ROBO2: variants seen among roughly 807,000 people sequenced by gnomAD.
The protein encoded by ROBO2 is roundabout homolog 2.
Under a neutral mutation model 160.8 loss-of-function variants are expected in ROBO2, and 53 were observed. The observed-to-expected ratio is 0.33, with a 90% CI of 0.26 to 0.41. The LOEUF is 0.41. ROBO2 is among the 10% of genes least tolerant of loss of function. The pLI is 1.00. For synonymous variants in ROBO2, 664 were observed against 611.7 expected (o/e 1.09, Z -1.26); for missense variants, 1,577 against 1,722.4 (o/e 0.92, Z 1.49).
chr3:76,830,260 G>A (rs1576904175), intron 2 of ROBO2, among the ~76,000 whole-genome samples: 2 of 152,056 alleles, frequency 1.3e-5, no homozygotes, highest in Admixed American at 6.6e-5. Context: ...ATTCGAACAG[G>A]CGTTTCTCCC....
intron 2 of ROBO2, among the ~76,000 whole-genome samples, chr3:76,183,048 C>A (rs1304249824): frequency 6.6e-6 from 1 of 152,048 alleles, no homozygotes. Context: ...AATTGCTTTG[C>A]TTGATGGAAT....
chr3:76,102,188 C>G (rs1420456721), intron 2 of ROBO2, among the ~76,000 whole-genome samples: 1 of 152,166 alleles, frequency 6.6e-6, no homozygotes, highest in African/African-American at 2.4e-5. Context: ...TGAGATGTGG[C>G]TAGTTTGAAT....
chr3:76,274,941 T>C (rs554584886), intron 2 of ROBO2, among the ~76,000 whole-genome samples: 1 of 152,104 alleles, frequency 6.6e-6, no homozygotes, highest in African/African-American at 2.4e-5. Flanking sequence ...TCAGTGAATA[T>C]AATATTTTAT....
At chr3:76,613,550 C>A (rs1222852745) in intron 2 of ROBO2, among the ~76,000 whole-genome samples, 1 of 151,776 alleles carries the variant, frequency 6.6e-6, no homozygotes, top group African/African-American at 2.4e-5. Context: ...ATTGTAAATA[C>A]CTGTTTTTGT....
intron 6 of ROBO2, 34 bp downstream of exon 6, chr3:77,522,936 C>T (rs1316462778): frequency 6.2e-7 from 1 of 1,606,678 alleles, no homozygotes; most frequent in Non-Finnish European, 8.5e-7. Context: ...ATAATTGAAC[C>T]AGGAGACTAA....
chr3:76,927,401 C>T (rs1256300697), intron 2 of ROBO2, among the ~76,000 whole-genome samples: 1 of 152,134 alleles, frequency 6.6e-6, no homozygotes, highest in Non-Finnish European at 1.5e-5. Context: ...AATAAAAGCT[C>T]TATAGTTTTC....
intron 2 of ROBO2, among the ~76,000 whole-genome samples, chr3:76,613,358 C>T (rs2088298183): frequency 6.6e-6 from 1 of 152,060 alleles, no homozygotes; most frequent in Non-Finnish European, 1.5e-5. Flanking sequence ...TTTTATTTCT[C>T]TCTCTCAAGG....
intron 2 of ROBO2, among the ~76,000 whole-genome samples, chr3:76,807,742 A>T (rs2064844395): frequency 6.6e-6 from 1 of 152,212 alleles, no homozygotes; most frequent in African/African-American, 2.4e-5. Flanking sequence ...CTTTAGAACA[A>T]TATAGTGAAA....
intron 2 of ROBO2, among the ~76,000 whole-genome samples, chr3:76,483,073 A>G (rs2079294434): frequency 6.6e-6 from 1 of 152,130 alleles, no homozygotes; most frequent in Non-Finnish European, 1.5e-5. Context: ...AGTTACTTTC[A>G]TGCTATATCT....
At chr3:76,877,008 A>G (rs567627973) in intron 2 of ROBO2, among the ~76,000 whole-genome samples, 46 of 107,634 alleles carry the variant, frequency 4.3e-4, no homozygotes, top group Non-Finnish European at 9.6e-4. Flanking sequence ...CTACATATGC[A>G]TATATATATT....
At chr3:77,454,867 T>C (rs1450881736) in intron 2 of ROBO2, among the ~76,000 whole-genome samples, 1 of 152,230 alleles carries the variant, frequency 6.6e-6, no homozygotes, top group Non-Finnish European at 1.5e-5. Context: ...ATATGAATTA[T>C]CATAGTTTGA....
At chr3:75,978,624 T>A (rs1009211657) in intron 2 of ROBO2, among the ~76,000 whole-genome samples, 1 of 151,604 alleles carries the variant, frequency 6.6e-6, no homozygotes, top group African/African-American at 2.4e-5. Flanking sequence ...AGCTTATTAA[T>A]TGATATCAGT....
chr3:76,391,216 C>T (rs945301383), intron 2 of ROBO2, among the ~76,000 whole-genome samples: 25 of 152,220 alleles, frequency 1.6e-4, no homozygotes, highest in Admixed American at 7.2e-4. Context: ...GGGCCGTATA[C>T]ATCTGGCCAT....
intron 2 of ROBO2, among the ~76,000 whole-genome samples, chr3:76,803,582 G>A (rs12489763): frequency 1 from 151,780 of 152,230 alleles, 75,666 homozygotes; most frequent in East Asian, 1. Flanking sequence ...ACACACAGAC[G>A]TACACACATA....
Position 77,201,933 on chromosome 3 carries a change from G to A in ROBO2, c.388+103593G>A, listed in dbSNP as rs79686339. Among the ~76,000 whole-genome samples the A allele has an allele frequency of 4.3e-3, 658 of 152,144 alleles. 5 individuals carry two copies. Among genetic ancestry groups the A allele is most frequent in the African/African-American group, 0.015 (612 of 41,500 alleles). On this transcript the variant is annotated intron_variant, in intron 2 of 25. Coordinates refer to ENST00000461745, the Ensembl canonical transcript of ROBO2. ...TTCAAGGACAAAACAAGTTATGGGTGGCCTAATGGGTTTTACTAACTTAAA... is the reference window on the plus strand; with the variant it reads ...TTCAAGGACAAAACAAGTTATGGGTAGCCTAATGGGTTTTACTAACTTAAA...
chr3:76,660,133 T>C (rs1279498672), intron 2 of ROBO2, among the ~76,000 whole-genome samples: 1 of 152,126 alleles, frequency 6.6e-6, no homozygotes, highest in Non-Finnish European at 1.5e-5. Context: ...CAGAGTAATT[T>C]TATGCTTGTG....
chr3:77,102,951 CA>C (rs1440158701), intron 2 of ROBO2, among the ~76,000 whole-genome samples: 2 of 150,262 alleles, frequency 1.3e-5, no homozygotes, highest in Non-Finnish European at 3.0e-5. Context: ...AGTTAGAAAA[CA>C]GTTGCAGAGT....
chr3:77,388,814 A>T (rs112513942), intron 2 of ROBO2, among the ~76,000 whole-genome samples: 4 of 152,246 alleles, frequency 2.6e-5, no homozygotes, highest in African/African-American at 4.8e-5. Flanking sequence ...TCTATAAAAA[A>T]TTTGTCTGAA....
chr3:77,527,456 A>T, intron 6 of ROBO2, 42 bp downstream of exon 7: 1 of 1,256,498 alleles, frequency 8.0e-7, no homozygotes, highest in Non-Finnish European at 1.0e-6. Context: ...GGCTTTGCAC[A>T]GTGCTTCATA....
Sources: allele counts gnomAD v4.1 joint callset (sites outside exome capture counted in the v4.1 genomes callset), GRCh38; gene constraint gnomAD v4.1.1; transcripts MANE v1.5; gene names NCBI Gene and HGNC (gene_info 2026-07-23, HGNC 2026-07-21).